Variants in NCKAP5 observed in about 807,000 individuals in gnomAD.
The protein encoded by NCKAP5 is nck-associated protein 5.
NCKAP5 carries 92 observed loss-of-function variants against 167.0 expected under a neutral mutation model. That is an observed-to-expected ratio of 0.55 (90% confidence interval 0.47 to 0.66). The LOEUF (loss-of-function observed/expected upper bound fraction) is 0.66. Among genes scored for constraint, NCKAP5 ranks in the 30% least tolerant of loss-of-function variants. The pLI, the probability that NCKAP5 is intolerant of heterozygous loss-of-function variation, is 0.00. For synonymous variants in NCKAP5, 891 were observed against 877.4 expected (o/e 1.02, Z -0.27); for missense variants, 2,378 against 2,315.0 (o/e 1.03, Z -0.56).
intron 6 of NCKAP5, among the ~76,000 whole-genome samples, chr2:132,995,238 T>C (rs2077559646): frequency 6.6e-6 from 1 of 152,240 alleles, no homozygotes; most frequent in South Asian, 2.1e-4. Context: ...TATAAACTTT[T>C]AAATTTTTAA....
At chr2:133,227,190 T>G (rs1359025698) in intron 4 of NCKAP5, among the ~76,000 whole-genome samples, 1 of 152,218 alleles carries the variant, frequency 6.6e-6, no homozygotes, top group Non-Finnish European at 1.5e-5. Context: ...TCTAAGGAAC[T>G]TCTTCAACAT....
At chr2:133,170,651 C>T (rs1022497307) in intron 5 of NCKAP5, among the ~76,000 whole-genome samples, 2 of 152,314 alleles carry the variant, frequency 1.3e-5, no homozygotes, top group South Asian at 2.1e-4. Flanking sequence ...TGTCATTCTG[C>T]CCTGTAACAA....
chr2:133,125,270 C>A (rs1175691391), intron 6 of NCKAP5, among the ~76,000 whole-genome samples: 1 of 151,428 alleles, frequency 6.6e-6, no homozygotes, highest in Non-Finnish European at 1.5e-5. Flanking sequence ...CGTACCCCAC[C>A]CTAACTTGGA....
In NCKAP5 at chr2:132,783,050, G is replaced by C; in HGVS notation, c.3761C>G (p.Ser1254Cys). 6.2e-7 allele frequency: 1 copy of C among 1,613,804 alleles called. No homozygotes were observed. The highest frequency in any genetic ancestry group is 8.5e-7 in the Non-Finnish European group (1 of 1,179,836). ...DGVDNRSMRR[S>C]LSSSKPHLKP... ...TAGGTGTGGTTTGCTGGAGGAAAGGGATCTTCTCATGGATCTATTATCTAC... is the reference window on the plus strand; with the variant it reads ...TAGGTGTGGTTTGCTGGAGGAAAGGCATCTTCTCATGGATCTATTATCTAC... The change falls in exon 14 of 20, where the codon TCC (serine) becomes TGC (cysteine). Residue 1254 changes from serine (S) to cysteine (C), a missense_variant. By Grantham distance (112) the Ser-to-Cys change is moderately radical. This residue lies in a region of NCKAP5 where 1,325 missense variants were observed against 1,274.5 expected (regional missense o/e 1.04). Coordinates refer to ENST00000409261, the MANE Select transcript of NCKAP5 (RefSeq NM_207363.3).
At chr2:133,132,605 G>A (rs1240305411) in intron 5 of NCKAP5, among the ~76,000 whole-genome samples, 1 of 150,736 alleles carries the variant, frequency 6.6e-6, no homozygotes, top group Non-Finnish European at 1.5e-5. Flanking sequence ...CAAATGACGT[G>A]TATTTCTATT....
the NCKAP5 span, among the ~76,000 whole-genome samples, chr2:133,598,731 G>A: frequency 3.3e-5 from 5 of 152,216 alleles, no homozygotes; most frequent in Non-Finnish European, 7.3e-5. Context: ...TGGCTAGGGC[G>A]AAAGGTAGGA....
chr2:132,688,936 T>A (rs984696408), intron 19 of NCKAP5, among the ~76,000 whole-genome samples: 1 of 133,392 alleles, frequency 7.5e-6, no homozygotes, highest in African/African-American at 2.9e-5. Flanking sequence ...CAGTGAGCCG[T>A]GATGGCACCA....
rs186477056 is a variant in NCKAP5 at position 132,957,327 on chromosome 2, C to T, written c.579+6393G>A. 2.0e-4 allele frequency among the ~76,000 whole-genome samples: 30 copies of T among 152,210 alleles called. No homozygotes were observed. The East Asian group carries it at 3.1e-3, about 16-fold the overall frequency. On this transcript the variant is annotated intron_variant, in intron 8 of 19. Transcript: ENST00000409261. ...CCTTGTATTCCACATCCAATGGATC[C>T]GTAATTCCTAATAGACCTTACTTCT...
intron 4 of NCKAP5, among the ~76,000 whole-genome samples, chr2:133,299,393 T>A (rs1238032902): frequency 6.6e-6 from 1 of 152,018 alleles, no homozygotes. Context: ...AGTTAGTAAG[T>A]ATTTACCTGC....
intron 3 of NCKAP5, among the ~76,000 whole-genome samples, chr2:133,399,209 G>A (rs565128594): frequency 6.6e-6 from 1 of 152,170 alleles, no homozygotes; most frequent in South Asian, 2.1e-4. Flanking sequence ...AAAAGCTATA[G>A]GAATACCAGG....
At chr2:133,641,864 T>A in the NCKAP5 span, among the ~76,000 whole-genome samples, 1 of 152,216 alleles carries the variant, frequency 6.6e-6, no homozygotes, top group Non-Finnish European at 1.5e-5. Context: ...TCTATTATCC[T>A]ATTATAGCAA....
the NCKAP5 span, among the ~76,000 whole-genome samples, chr2:133,666,259 G>A: frequency 6.8e-5 from 10 of 146,668 alleles, no homozygotes; most frequent in Admixed American, 4.2e-4. Context: ...GTGCAGTGGC[G>A]CGATCTCGGC....
At chr2:132,932,318 T>G (rs903405188) in intron 8 of NCKAP5, among the ~76,000 whole-genome samples, 1 of 152,228 alleles carries the variant, frequency 6.6e-6, no homozygotes, top group Admixed American at 6.5e-5. Flanking sequence ...TGTTTTTCTT[T>G]TCTTTTCTTT....
rs1296813855 is a variant in NCKAP5 at position 133,484,931 on chromosome 2, A to G, written c.69+32527T>C. On this transcript the variant is annotated intron_variant, in intron 3 of 19. Coordinates refer to ENST00000409261, the MANE Select transcript of NCKAP5 (RefSeq NM_207363.3). The stretch of plus-strand genomic sequence containing the variant: ...GTCAAGAAATCTAGATGGTAGTCCC[A>G]GCACTGACACTAACAGAATATGCAA... Among the ~76,000 whole-genome samples the G allele has an allele frequency of 6.6e-5, 10 of 152,256 alleles. No individual in the cohort carries two copies. In the East Asian group the frequency reaches 1.9e-3, roughly 29 times the overall value.
intron 16 of NCKAP5, among the ~76,000 whole-genome samples, chr2:132,752,207 C>A (rs995880637): frequency 6.6e-6 from 1 of 152,242 alleles, no homozygotes; most frequent in Non-Finnish European, 1.5e-5. Flanking sequence ...TGCAGGCATG[C>A]AGGTTTTAGG....
intron 5 of NCKAP5, among the ~76,000 whole-genome samples, chr2:133,180,092 A>G (rs986735682): frequency 2.0e-5 from 3 of 152,180 alleles, no homozygotes; most frequent in Non-Finnish European, 2.9e-5. Flanking sequence ...TGAGGGAGGA[A>G]TGACACCATA....
intron 8 of NCKAP5, among the ~76,000 whole-genome samples, chr2:132,959,253 GA>G (rs2076437183): frequency 6.6e-6 from 1 of 152,090 alleles, no homozygotes; most frequent in South Asian, 2.1e-4. Flanking sequence ...TCATTTCATG[GA>G]AAGGTATAAT....
At chr2:133,408,826 A>G (rs1688604535) in intron 3 of NCKAP5, among the ~76,000 whole-genome samples, 2 of 152,134 alleles carry the variant, frequency 1.3e-5, no homozygotes. Flanking sequence ...CGTGCCCCTG[A>G]ACAGTAGTGG....
intron 3 of NCKAP5, among the ~76,000 whole-genome samples, chr2:133,495,838 T>C (rs1681896685): frequency 6.6e-6 from 1 of 152,192 alleles, no homozygotes; most frequent in African/African-American, 2.4e-5. Context: ...CCTTGCTGGT[T>C]ACTCTCAGGC....
Sources: allele counts gnomAD v4.1 joint callset (sites outside exome capture counted in the v4.1 genomes callset), GRCh38; gene constraint gnomAD v4.1.1; regional missense constraint gnomAD v4.1.1; transcripts MANE v1.5; gene names NCBI Gene and HGNC (gene_info 2026-07-23, HGNC 2026-07-21).